The following RFWD3 variants were observed in gnomAD, a reference collection of about 807,000 sequenced individuals.
RFWD3 encodes the protein E3 ubiquitin-protein ligase RFWD3.
A neutral mutation model predicts 87.7 loss-of-function variants in RFWD3; 65 were observed. That is an observed-to-expected ratio of 0.74 (90% confidence interval 0.61 to 0.91). The LOEUF is 0.91. RFWD3 is among the 40% of genes least tolerant of loss of function. The pLI, the probability that RFWD3 is intolerant of heterozygous loss-of-function variation, is 0.00. For missense variants in RFWD3, 1,078 were observed against 938.5 expected (o/e 1.15, Z -1.94); for synonymous variants, 433 against 352.8 (o/e 1.23, Z -2.55).
Position 74,638,597 on chromosome 16 carries a change from A to G in RFWD3, c.1080-627T>C, listed in dbSNP as rs578181923. ...ATGCAAGAAAAAGATGAAAATTGGA[A>G]AAGATAAAGCTGCCCTTATTAATTT... is the stretch of plus-strand genomic sequence containing the variant. On this transcript the variant is annotated intron_variant, in intron 6 of 12. Transcript: ENST00000361070. 6.6e-5 allele frequency among the ~76,000 whole-genome samples: 10 copies of G among 152,340 alleles called. No homozygotes were observed. In the East Asian group the frequency reaches 1.9e-3, roughly 29 times the overall value.
At chr16:74,644,882 G>T in intron 4 of RFWD3, 147 bp from the exon 5 acceptor site, 1 of 664,006 alleles carries the variant, frequency 1.5e-6, no homozygotes, top group Non-Finnish European at 2.5e-6. Context: ...TGAATCACTT[G>T]TCATTCTTTC....
At chr16:74,651,706 C>T (rs1960580870) in intron 3 of RFWD3, among the ~76,000 whole-genome samples, 1 of 152,212 alleles carries the variant, frequency 6.6e-6, no homozygotes, top group African/African-American at 2.4e-5. Flanking sequence ...AAGTGACTAA[C>T]TCACTGGGTC....
chr16:74,658,131 C>T (rs1200571772), intron 2 of RFWD3, among the ~76,000 whole-genome samples: 2 of 152,206 alleles, frequency 1.3e-5, no homozygotes, highest in Non-Finnish European at 2.9e-5. Flanking sequence ...AGAAATTCTC[C>T]TCCTTCCCTG....
chr16:74,648,933 T>C (rs972227630), intron 4 of RFWD3, among the ~76,000 whole-genome samples, 199 bp downstream of exon 4: 7 of 151,656 alleles, frequency 4.6e-5, no homozygotes, highest in Non-Finnish European at 1.0e-4. Context: ...AAATAAAAAA[T>C]GTAGCCGAGT....
In RFWD3 at chr16:74,660,970, C is replaced by T. The variant is rs1008612889; in HGVS notation, c.480G>A (p.Arg160=). 1.2e-6 allele frequency: 2 copies of T among 1,613,958 alleles called. No homozygotes were observed. Among genetic ancestry groups the T allele is most frequent in the Non-Finnish European group, 1.7e-6 (2 of 1,180,000 alleles). The change falls in exon 2 of 13, where the codon AGG becomes AGA. Residue 160 remains arginine (R), a synonymous_variant. Transcript: ENST00000361070. ...RTRRRVSASR[R]ARAGGSQRTD... is the part of the protein sequence containing the mutation. Reference sequence around the variant, plus strand: ...TCCTCTGAGACCCTCCGGCTCTTGCCCTCCGTGAAGCAGATACCCTCCTTC... The same window carrying T: ...TCCTCTGAGACCCTCCGGCTCTTGCTCTCCGTGAAGCAGATACCCTCCTTC...
intron 10 of RFWD3, among the ~76,000 whole-genome samples, chr16:74,629,665 C>CAA (rs75932415): frequency 7.0e-6 from 1 of 143,692 alleles, no homozygotes. Flanking sequence ...CTACCACCAA[C>CAA]AAAAAAAAAA....
intron 8 of RFWD3, among the ~76,000 whole-genome samples, chr16:74,634,080 G>A (rs184847900): frequency 6.6e-6 from 1 of 152,178 alleles, no homozygotes; most frequent in East Asian, 1.9e-4. Context: ...CTTTAAATAT[G>A]TAGTTTACTC....
At chr16:74,625,913 C>T (rs1250708051) in intron 12 of RFWD3, among the ~76,000 whole-genome samples, 1 of 152,198 alleles carries the variant, frequency 6.6e-6, no homozygotes, top group Non-Finnish European at 1.5e-5. Context: ...CAGCTGGGTG[C>T]AATGGCTCAC....
chr16:74,638,089 T>C (rs934832160), intron 6 of RFWD3, 119 bp from the exon 7 acceptor site: 12 of 605,750 alleles, frequency 2.0e-5, no homozygotes, highest in East Asian at 6.2e-5. Flanking sequence ...TATGTTATGA[T>C]AGTGAATAAA....
intron 2 of RFWD3, among the ~76,000 whole-genome samples, chr16:74,655,996 G>A (rs775265788): frequency 9.9e-5 from 15 of 152,138 alleles, no homozygotes; most frequent in Non-Finnish European, 1.3e-4. Flanking sequence ...AGCTCTGAAG[G>A]TGATTAATGT....
intron 9 of RFWD3, among the ~76,000 whole-genome samples, chr16:74,631,747 T>C (rs988208062): frequency 6.6e-6 from 1 of 152,092 alleles, no homozygotes; most frequent in Admixed American, 6.6e-5. Context: ...CAACCTGGTA[T>C]GGCGACTCTG....
At chr16:74,658,787 G>C (rs1240883246) in intron 2 of RFWD3, among the ~76,000 whole-genome samples, 1 of 141,460 alleles carries the variant, frequency 7.1e-6, no homozygotes, top group South Asian at 2.2e-4. Context: ...TTTTTTTTGA[G>C]ACAGAGAGTC....
intron 6 of RFWD3, 121 bp from the exon 7 acceptor site, chr16:74,638,091 G>C: frequency 1.7e-6 from 1 of 598,434 alleles, no homozygotes; most frequent in African/African-American, 1.9e-5. Flanking sequence ...TGTTATGATA[G>C]TGAATAAAAT....
intron 3 of RFWD3, 155 bp from the exon 4 acceptor site, chr16:74,649,357 C>T: frequency 2.0e-6 from 1 of 507,334 alleles, no homozygotes; most frequent in Non-Finnish European, 3.5e-6. Flanking sequence ...CCCCAGGTAC[C>T]ATCAGTGAAT....
At chr16:74,651,517 G>A (rs755545140) in intron 3 of RFWD3, among the ~76,000 whole-genome samples, 1 of 152,162 alleles carries the variant, frequency 6.6e-6, no homozygotes, top group Non-Finnish European at 1.5e-5. Flanking sequence ...TAGTGGGGAG[G>A]CTGAGGTGGG....
chr16:74,626,722 T>C lies in RFWD3; in HGVS notation c.1970-168A>G, dbSNP rs370479162. ...TGAAAGAACAATATCACAGCATCAA[T>C]GAAATTTAGAACCGTAGGCTAGCAT... On this transcript the variant is annotated intron_variant, in intron 11 of 12. Coordinates refer to ENST00000361070, the MANE Select transcript of RFWD3 (RefSeq NM_018124.4). Among the ~76,000 whole-genome samples, 27 of 152,300 alleles carry C rather than the reference T, an allele frequency of 1.8e-4. No individual in the cohort carries two copies. The East Asian group carries it at 3.9e-3, about 22-fold the overall frequency.
At chr16:74,636,258 C>T (rs1567571587) in intron 8 of RFWD3, 88 bp downstream of exon 8, 1 of 1,210,268 alleles carries the variant, frequency 8.3e-7, no homozygotes. Flanking sequence ...ATTTGGTAAC[C>T]TTTGAGTCTT....
intron 2 of RFWD3, among the ~76,000 whole-genome samples, chr16:74,656,844 T>C (rs1961024944): frequency 6.6e-6 from 1 of 152,288 alleles, no homozygotes; most frequent in Middle Eastern, 3.4e-3. Context: ...TTAGAAGAAG[T>C]TGATGTCAAC....
At chr16:74,627,208 G>C (rs1958964257) in intron 11 of RFWD3, among the ~76,000 whole-genome samples, 1 of 152,166 alleles carries the variant, frequency 6.6e-6, no homozygotes, top group African/African-American at 2.4e-5. Flanking sequence ...AGAAGTGTGA[G>C]CATTTAATGA....
Sources: allele counts gnomAD v4.1 joint callset (sites outside exome capture counted in the v4.1 genomes callset), GRCh38; gene constraint gnomAD v4.1.1; transcripts MANE v1.5; gene names NCBI Gene and HGNC (gene_info 2026-07-23, HGNC 2026-07-21).